SLC41A3: variants seen among roughly 807,000 people sequenced by gnomAD.
The protein encoded by SLC41A3 is SLC41A1-like 2.
Under a neutral mutation model 45.4 loss-of-function variants are expected in SLC41A3, and 44 were observed. The observed-to-expected ratio is 0.97, with a 90% CI of 0.76 to 1.25. SLC41A3 has a LOEUF of 1.25. SLC41A3 is among the 50% of genes most tolerant of loss of function. The pLI is 0.00. For missense variants in SLC41A3, 550 were observed against 600.6 expected (o/e 0.92, Z 0.88); for synonymous variants, 256 against 252.4 (o/e 1.01, Z -0.13).
intron 1 of SLC41A3, among the ~76,000 whole-genome samples, chr3:126,081,279 G>T (rs1385804894): frequency 6.6e-6 from 1 of 152,196 alleles, no homozygotes; most frequent in African/African-American, 2.4e-5. Context: ...AACATCACAT[G>T]GCCTCACTCA....
chr3:126,061,308 C>T (rs34118610), intron 2 of SLC41A3, among the ~76,000 whole-genome samples: 294 of 152,260 alleles, frequency 1.9e-3, no homozygotes, highest in Middle Eastern at 6.8e-3. Context: ...AGAACCCACC[C>T]ACAGGTGAAG....
At chr3:126,039,028 G>GAC (rs1325139022) in intron 3 of SLC41A3, among the ~76,000 whole-genome samples, 3 of 152,116 alleles carry the variant, frequency 2.0e-5, no homozygotes, top group African/African-American at 4.8e-5. Context: ...CTCACCATGT[G>GAC]ACACACTGGC....
chr3:126,011,340 T>G (rs1011861158), intron 9 of SLC41A3, among the ~76,000 whole-genome samples: 2 of 151,978 alleles, frequency 1.3e-5, no homozygotes, highest in Non-Finnish European at 2.9e-5. Context: ...AATAGCAGAA[T>G]GGAGAGGGCA....
chr3:126,058,674 A>C (rs1035012098), intron 2 of SLC41A3, among the ~76,000 whole-genome samples: 1 of 152,208 alleles, frequency 6.6e-6, no homozygotes, highest in Non-Finnish European at 1.5e-5. Flanking sequence ...CCACAGGTGC[A>C]CTGTGAGGAT....
intron 3 of SLC41A3, among the ~76,000 whole-genome samples, chr3:126,047,982 G>T (rs1404115613): frequency 9.9e-5 from 15 of 152,250 alleles, no homozygotes; most frequent in Middle Eastern, 3.4e-3. Flanking sequence ...AGCATATACT[G>T]ATAAGAGATT....
intron 8 of SLC41A3, among the ~76,000 whole-genome samples, chr3:126,013,222 C>CGAAA (rs1939902717): frequency 6.7e-6 from 1 of 148,880 alleles, no homozygotes; most frequent in Admixed American, 6.6e-5. Flanking sequence ...TTTTTTTTTT[C>CGAAA]ACTCAAGGTG....
At chr3:126,092,475 C>T (rs902957655) in intron 1 of SLC41A3, 6 of 152,156 alleles carry the variant, frequency 3.9e-5, no homozygotes, top group African/African-American at 9.7e-5. Context: ...AATCTGTGTT[C>T]GGGGCTCTCA....
At chr3:126,096,563 G>A (rs967667190) in intron 1 of SLC41A3, among the ~76,000 whole-genome samples, 6 of 152,244 alleles carry the variant, frequency 3.9e-5, no homozygotes, top group Non-Finnish European at 5.9e-5. Context: ...GCTTAAAGGC[G>A]TTCTTAAACC....
intron 1 of SLC41A3, among the ~76,000 whole-genome samples, chr3:126,069,557 T>C (rs1944519058): frequency 6.6e-6 from 1 of 152,124 alleles, no homozygotes. Context: ...TATATACTGT[T>C]AAAGGTCTAG....
chr3:126,020,558 C>T (rs1357502482), intron 6 of SLC41A3, among the ~76,000 whole-genome samples: 2 of 152,192 alleles, frequency 1.3e-5, no homozygotes, highest in Non-Finnish European at 2.9e-5. Flanking sequence ...ATTCGAAGCT[C>T]CATCCCAACC....
intron 2 of SLC41A3, among the ~76,000 whole-genome samples, chr3:126,060,055 T>TA (rs1167033889): frequency 1.3e-5 from 2 of 152,190 alleles, no homozygotes; most frequent in African/African-American, 4.8e-5. Context: ...TTGCAGACTC[T>TA]CATATAGAAA....
chr3:126,062,415 C>A (rs537332943), intron 2 of SLC41A3, among the ~76,000 whole-genome samples: 2 of 152,210 alleles, frequency 1.3e-5, no homozygotes, highest in Non-Finnish European at 2.9e-5. Context: ...AGGCTCCCCA[C>A]AGGGACCTCC....
intron 1 of SLC41A3, among the ~76,000 whole-genome samples, chr3:126,081,419 A>G (rs1225553326): frequency 6.6e-6 from 1 of 152,244 alleles, no homozygotes; most frequent in Non-Finnish European, 1.5e-5. Flanking sequence ...GGAAGAAATA[A>G]GAAATCGTGT....
chr3:126,090,666 T>G (rs1945472608), intron 1 of SLC41A3, among the ~76,000 whole-genome samples: 1 of 152,204 alleles, frequency 6.6e-6, no homozygotes, highest in Admixed American at 6.5e-5. Context: ...GAAACCAAAA[T>G]CATGGTATTC....
chr3:126,056,298 T>C, intron 2 of SLC41A3: 1 of 1,571,196 alleles, frequency 6.4e-7, no homozygotes, highest in Non-Finnish European at 8.7e-7. Flanking sequence ...CTGTCTGTGG[T>C]GCCAGGAGAC....
intron 1 of SLC41A3, among the ~76,000 whole-genome samples, chr3:126,071,355 C>T (rs1944607836): frequency 6.6e-6 from 1 of 152,120 alleles, no homozygotes; most frequent in Non-Finnish European, 1.5e-5. Context: ...TATCAAGAAG[C>T]TATAACAATT....
chr3:126,010,717 C>G (rs1939621401), intron 9 of SLC41A3, among the ~76,000 whole-genome samples: 1 of 152,240 alleles, frequency 6.6e-6, no homozygotes, highest in Admixed American at 6.5e-5. Flanking sequence ...GGGCCCCCAC[C>G]TTGTCAGTGA....
chr3:126,068,809 T>C (rs1254761652), intron 1 of SLC41A3, among the ~76,000 whole-genome samples: 3 of 152,162 alleles, frequency 2.0e-5, no homozygotes, highest in Admixed American at 1.3e-4. Flanking sequence ...CAAGTCCCCA[T>C]GCCCAAAGAA....
intron 2 of SLC41A3, among the ~76,000 whole-genome samples, chr3:126,058,862 C>A (rs1943836993): frequency 6.6e-6 from 1 of 152,174 alleles, no homozygotes; most frequent in Admixed American, 6.5e-5. Flanking sequence ...GTGCTCCTCC[C>A]CTCTGCTGCA....
Sources: allele counts gnomAD v4.1 joint callset (sites outside exome capture counted in the v4.1 genomes callset), GRCh38; gene constraint gnomAD v4.1.1; transcripts MANE v1.5; gene names NCBI Gene and HGNC (gene_info 2026-07-23, HGNC 2026-07-21).